Variants in NTRK2 observed in about 807,000 individuals in gnomAD.
NTRK2 encodes the protein BDNF/NT-3 growth factors receptor.
Under a neutral mutation model 94.5 loss-of-function variants are expected in NTRK2, and 13 were observed. The observed-to-expected ratio is 0.14, with a 90% CI of 0.09 to 0.22. The LOEUF (loss-of-function observed/expected upper bound fraction) is 0.22. Ranked by LOEUF, NTRK2 falls within the 10% of genes least tolerant of loss-of-function variation. The pLI, the probability that NTRK2 is intolerant of heterozygous loss-of-function variation, is 1.00. For synonymous variants in NTRK2, 372 were observed against 407.4 expected, an observed-to-expected ratio of 0.91 and a Z score of 1.05; for missense variants, 639 against 1,071.2, an observed-to-expected ratio of 0.60 and a Z score of 5.63.
At chr9:84,831,705 T>G (rs1362963366) in intron 12 of NTRK2, among the ~76,000 whole-genome samples, 2 of 152,176 alleles carry the variant, frequency 1.3e-5, no homozygotes, top group African/African-American at 4.8e-5. Flanking sequence ...ACAGGGCCTT[T>G]GGGATCCAGA....
chr9:84,798,226 A>G (rs367646029), intron 12 of NTRK2, among the ~76,000 whole-genome samples: 5 of 152,024 alleles, frequency 3.3e-5, no homozygotes, highest in Admixed American at 1.3e-4. Context: ...TTGTGAGGAC[A>G]TTAATTTCAT....
chr9:84,917,855 C>T lies in NTRK2; in HGVS notation c.1634-16307C>T, dbSNP rs574601313. On this transcript the variant is annotated intron_variant, in intron 14 of 18. Transcript: ENST00000277120. ...AGAAAAATCCTGTTTGCATTGATTGCGTCCTGAATGCCTCTGCCCACCTCC... is the reference window on the plus strand; with the variant it reads ...AGAAAAATCCTGTTTGCATTGATTGTGTCCTGAATGCCTCTGCCCACCTCC... Among the ~76,000 whole-genome samples the T allele has an allele frequency of 3.0e-4, 46 of 152,260 alleles. 1 individual carries two copies. Among genetic ancestry groups the T allele is most frequent in the African/African-American group, 1.0e-3 (43 of 41,552 alleles).
rs1283202288 is a variant in NTRK2 at position 85,022,926 on chromosome 9, G to A, written c.*1489G>A. ...CCCTGAGGGCATCACATGCACTCAT[G>A]TTCAGTGTACACAGGTCAAGTCCCT... is the stretch of plus-strand genomic sequence containing the variant. On this transcript the variant is annotated 3_prime_UTR_variant, in exon 19 of 19. Transcript: ENST00000277120. 2 of 233,138 alleles carry A rather than the reference G, an allele frequency of 8.6e-6. No individual in the cohort carries two copies. The highest frequency in any genetic ancestry group is 8.5e-6 in the Non-Finnish European group (1 of 118,062). 14.4% of individuals were successfully genotyped at this position (233,138 alleles called of 1,614,324 possible). A position where few individuals can be genotyped will look rare whatever the true frequency, so the allele number is the denominator to read the frequency against.
At chr9:84,884,917 G>A (rs2076367538) in intron 14 of NTRK2, among the ~76,000 whole-genome samples, 1 of 152,108 alleles carries the variant, frequency 6.6e-6, no homozygotes, top group Non-Finnish European at 1.5e-5. Context: ...TTGCATTTCT[G>A]AGAATCAATG....
chr9:84,887,515 T>C (rs540527987), intron 14 of NTRK2, among the ~76,000 whole-genome samples: 3 of 152,382 alleles, frequency 2.0e-5, no homozygotes, highest in Non-Finnish European at 4.4e-5. Context: ...ACATCACTTA[T>C]GATGCCTTTA....
intron 12 of NTRK2, among the ~76,000 whole-genome samples, chr9:84,807,935 G>A (rs2133496210): frequency 6.6e-6 from 1 of 152,298 alleles, no homozygotes; most frequent in South Asian, 2.1e-4. Flanking sequence ...GAGGTGAAGG[G>A]GGTGGAAGTG....
At chr9:85,005,520 G>A (rs1327297280) in intron 17 of NTRK2, among the ~76,000 whole-genome samples, 1 of 152,152 alleles carries the variant, frequency 6.6e-6, no homozygotes, top group East Asian at 1.9e-4. Flanking sequence ...CCTGGAAGTA[G>A]CAAATTATTT....
chr9:84,788,368 G>C (rs1368655558), intron 12 of NTRK2, among the ~76,000 whole-genome samples: 3 of 152,214 alleles, frequency 2.0e-5, no homozygotes, highest in Non-Finnish European at 4.4e-5. Context: ...CATGAGCTAA[G>C]TGCTGGGACT....
intron 10 of NTRK2, among the ~76,000 whole-genome samples, chr9:84,742,486 G>A (rs1473065081): frequency 6.6e-6 from 1 of 152,142 alleles, no homozygotes; most frequent in African/African-American, 2.4e-5. Flanking sequence ...ATGTGGCGGG[G>A]GAGCTGCTGC....
At chr9:84,959,951 G>T (rs1364271886) in intron 17 of NTRK2, among the ~76,000 whole-genome samples, 2 of 152,160 alleles carry the variant, frequency 1.3e-5, no homozygotes, top group African/African-American at 4.8e-5. Context: ...TGAGTGGAGG[G>T]CCCCAAACAT....
rs143309151 is a variant in NTRK2 at position 84,965,650 on chromosome 9, A to G, written c.2172+10133A>G. Among the ~76,000 whole-genome samples, 1,355 of 152,352 alleles carry G rather than the reference A, an allele frequency of 8.9e-3. 13 individuals carry two copies. The highest frequency in any genetic ancestry group is 0.013 in the Non-Finnish European group (905 of 68,024). On this transcript the variant is annotated intron_variant, in intron 17 of 18. Coordinates refer to ENST00000277120, the MANE Select transcript of NTRK2 (RefSeq NM_006180.6). ...TAGAAGTTCTAATTTTGAACTCCAC[A>G]TGCCTCACAGAATGGTAGGCACTTC...
At chr9:84,781,137 T>G (rs1445885616) in intron 12 of NTRK2, among the ~76,000 whole-genome samples, 2 of 152,200 alleles carry the variant, frequency 1.3e-5, no homozygotes, top group Non-Finnish European at 2.9e-5. Flanking sequence ...CAGCCTTGTT[T>G]GTATGTTCCG....
chr9:84,825,468 C>G (rs2073126216), intron 12 of NTRK2, among the ~76,000 whole-genome samples: 1 of 152,156 alleles, frequency 6.6e-6, no homozygotes, highest in African/African-American at 2.4e-5. Context: ...TTGGTTTGAC[C>G]CTCTTCCTCC....
chr9:84,842,356 T>A (rs2074234912), intron 12 of NTRK2, among the ~76,000 whole-genome samples: 1 of 152,182 alleles, frequency 6.6e-6, no homozygotes, highest in Non-Finnish European at 1.5e-5. Flanking sequence ...TTTTCTTATC[T>A]GAGGGAAAGA....
At chr9:84,914,851 A>G (rs750090391) in intron 14 of NTRK2, among the ~76,000 whole-genome samples, 9 of 152,222 alleles carry the variant, frequency 5.9e-5, no homozygotes, top group Non-Finnish European at 1.3e-4. Flanking sequence ...GTCTCCAGGT[A>G]GTCTGCCTTC....
chr9:84,974,478 A>G (rs1223635263), intron 17 of NTRK2, among the ~76,000 whole-genome samples: 1 of 152,230 alleles, frequency 6.6e-6, no homozygotes, highest in Non-Finnish European at 1.5e-5. Flanking sequence ...GAGCTGCAGA[A>G]GGTTAAAGCT....
intron 12 of NTRK2, chr9:84,812,188 A>G: frequency 9.5e-7 from 1 of 1,057,898 alleles, no homozygotes; most frequent in Non-Finnish European, 1.1e-6. Flanking sequence ...ATCTTAATAA[A>G]CCAGGATCCA....
At chr9:84,993,369 C>T (rs1422673545) in intron 17 of NTRK2, among the ~76,000 whole-genome samples, 2 of 152,212 alleles carry the variant, frequency 1.3e-5, no homozygotes, top group Non-Finnish European at 2.9e-5. Context: ...TAGCCTCTTT[C>T]CTAGCTCCCA....
chr9:84,882,936 T>C (rs1041850029), intron 14 of NTRK2, among the ~76,000 whole-genome samples: 5 of 152,072 alleles, frequency 3.3e-5, no homozygotes, highest in Admixed American at 6.5e-5. Context: ...GCTAATTTTT[T>C]GTGTGTTTTT....
Sources: gnomAD v4.1 joint callset for allele counts (sites outside exome capture counted in the v4.1 genomes callset) on GRCh38, gnomAD v4.1.1 for gene constraint, MANE v1.5 for transcripts, NCBI Gene and HGNC (gene_info 2026-07-23, HGNC 2026-07-21) for gene names.